The following TBC1D22A variants were observed in gnomAD, a reference collection of about 807,000 sequenced individuals.
TBC1D22A encodes TBC1 domain family member 22A, also known as putative GTPase activator.
Under a neutral mutation model 60.2 loss-of-function variants are expected in TBC1D22A, and 38 were observed. That is an observed-to-expected ratio of 0.63 (90% confidence interval 0.49 to 0.83). TBC1D22A has a LOEUF of 0.83. Ranked by LOEUF, TBC1D22A falls within the 40% of genes least tolerant of loss-of-function variation. The probability of loss-of-function intolerance (pLI) is 0.00; values close to 1 mark genes in which losing one functional copy is unlikely to be tolerated. For synonymous variants in TBC1D22A, 302 were observed against 281.7 expected, an observed-to-expected ratio of 1.07 and a Z score of -0.72; for missense variants, 628 against 701.0, an observed-to-expected ratio of 0.90 and a Z score of 1.18.
Position 47,033,526 on chromosome 22 carries a change from C to T in TBC1D22A, c.1202-3545C>T, listed in dbSNP as rs575287170. 1.8e-4 allele frequency among the ~76,000 whole-genome samples: 28 copies of T among 152,226 alleles called. 1 individual carries two copies. The highest frequency in any genetic ancestry group is 4.6e-4 in the Admixed American group (7 of 15,290). On this transcript the variant is annotated intron_variant, in intron 10 of 12. Coordinates refer to ENST00000337137, the MANE Select transcript of TBC1D22A (RefSeq NM_014346.5). The stretch of plus-strand genomic sequence containing the variant: ...GGGGGCCGGGGAAACAAAGGCGACA[C>T]AGACCTGGACCCACACCTGACCAGC...
At chr22:46,788,826 A>G (rs2084278438) in intron 1 of TBC1D22A, among the ~76,000 whole-genome samples, 1 of 152,202 alleles carries the variant, frequency 6.6e-6, no homozygotes, top group Non-Finnish European at 1.5e-5. Context: ...AGGAGAAGTC[A>G]TAACAAACCC....
At chr22:47,155,291 A>G (rs1048582900) in intron 12 of TBC1D22A, among the ~76,000 whole-genome samples, 3 of 151,970 alleles carry the variant, frequency 2.0e-5, no homozygotes, top group Non-Finnish European at 4.4e-5. Context: ...AGGCGGATGT[A>G]TTGAGGTGTC....
chr22:47,121,621 C>G (rs2066273489), intron 12 of TBC1D22A, among the ~76,000 whole-genome samples: 1 of 151,990 alleles, frequency 6.6e-6, no homozygotes, highest in Admixed American at 6.6e-5. Flanking sequence ...CACGCGTGGA[C>G]AGAAAGACCG....
At chr22:46,972,839 G>A (rs553007234) in intron 8 of TBC1D22A, among the ~76,000 whole-genome samples, 2 of 152,244 alleles carry the variant, frequency 1.3e-5, no homozygotes, top group South Asian at 2.1e-4. Context: ...AGTGACTGAG[G>A]GTCCACCCCC....
chr22:46,844,109 A>C (rs571982505), intron 4 of TBC1D22A, among the ~76,000 whole-genome samples: 1 of 150,582 alleles, frequency 6.6e-6, no homozygotes, highest in East Asian at 2.0e-4. Context: ...GGGTGTAAAC[A>C]TGTGGGTAAG....
At chr22:47,097,111 C>T (rs1469830193) in intron 11 of TBC1D22A, among the ~76,000 whole-genome samples, 1 of 152,156 alleles carries the variant, frequency 6.6e-6, no homozygotes, top group Non-Finnish European at 1.5e-5. Flanking sequence ...CCCGTGTCCT[C>T]TGTTCCACTG....
chr22:46,847,944 TGTGTGTGTGTGCGC>T (rs1186902531), intron 4 of TBC1D22A, among the ~76,000 whole-genome samples: 35 of 125,498 alleles, frequency 2.8e-4, no homozygotes, highest in African/African-American at 1.1e-3. Flanking sequence ...TGTGTGTGTG[TGTGTGTGTGTGCGC>T]GCGCGCACGC....
At chr22:47,092,402 A>G (rs935582178) in intron 11 of TBC1D22A, among the ~76,000 whole-genome samples, 1 of 152,308 alleles carries the variant, frequency 6.6e-6, no homozygotes, top group Admixed American at 6.5e-5. Context: ...TGGTGGCGGA[A>G]GAAGGCACTT....
chr22:47,069,142 G>A (rs1037759592), intron 11 of TBC1D22A, among the ~76,000 whole-genome samples: 1 of 152,124 alleles, frequency 6.6e-6, no homozygotes, highest in Non-Finnish European at 1.5e-5. Flanking sequence ...AACTTCTATT[G>A]CAAAATCTAA....
chr22:46,766,311 A>G (rs2083286031), intron 1 of TBC1D22A, among the ~76,000 whole-genome samples: 1 of 150,542 alleles, frequency 6.6e-6, no homozygotes, highest in African/African-American at 2.4e-5. Context: ...TTGTATTTTT[A>G]GTAGAGATGG....
Position 47,003,397 on chromosome 22 carries a change from ACACACATGCCTGTACACACATACCCTACG to A in TBC1D22A, c.1201+5708_1201+5736del, listed in dbSNP as rs1338506228. ...TAAAGTATACGCACACACACCCTAC[ACACACATGCCTGTACACACATACCCTACG>A]CACACATGCCTGTACACACGCACCC... On this transcript the variant is annotated intron_variant, in intron 10 of 12. Transcript: ENST00000337137. Among the ~76,000 whole-genome samples the A allele has an allele frequency of 1.2e-4, 18 of 151,076 alleles. No individual in the cohort carries two copies. The East Asian group carries it at 2.3e-3, about 20-fold the overall frequency.
At chr22:46,792,468 T>G in intron 1 of TBC1D22A, 52 bp from the exon 2 acceptor site, 2 of 1,613,318 alleles carry the variant, frequency 1.2e-6, no homozygotes, top group South Asian at 2.2e-5. Flanking sequence ...GGTGGAGGGC[T>G]CTTGGGAAGG....
intron 11 of TBC1D22A, among the ~76,000 whole-genome samples, chr22:47,047,003 A>G (rs1311251781): frequency 3.3e-5 from 5 of 152,258 alleles, no homozygotes; most frequent in African/African-American, 1.2e-4. Context: ...GTATTCATTA[A>G]TATTTTATCT....
intron 11 of TBC1D22A, among the ~76,000 whole-genome samples, chr22:47,104,739 T>A (rs945501090): frequency 7.2e-5 from 11 of 152,008 alleles, no homozygotes; most frequent in African/African-American, 1.9e-4. Flanking sequence ...TTTCTCTCTA[T>A]TGTCTCTAAG....
chr22:46,926,801 C>T (rs1470699751), intron 8 of TBC1D22A, among the ~76,000 whole-genome samples: 1 of 152,178 alleles, frequency 6.6e-6, no homozygotes, highest in Admixed American at 6.5e-5. Flanking sequence ...TCAGACTTGC[C>T]AGTCCCTACA....
intron 12 of TBC1D22A, among the ~76,000 whole-genome samples, chr22:47,160,993 A>T (rs1413070966): frequency 6.6e-6 from 1 of 152,136 alleles, no homozygotes; most frequent in African/African-American, 2.4e-5. Flanking sequence ...AGTTCTAGAA[A>T]AACTGAGGTT....
At chr22:47,001,123 G>A (rs1055505926) in intron 10 of TBC1D22A, among the ~76,000 whole-genome samples, 1 of 152,060 alleles carries the variant, frequency 6.6e-6, no homozygotes, top group Non-Finnish European at 1.5e-5. Context: ...ACACGTGAGG[G>A]CAAAGTGGAC....
intron 7 of TBC1D22A, among the ~76,000 whole-genome samples, chr22:46,907,037 A>T (rs933915698): frequency 6.9e-6 from 1 of 145,814 alleles, no homozygotes; most frequent in Non-Finnish European, 1.5e-5. Flanking sequence ...GTATGTGTGT[A>T]CTCTTCTGTG....
In TBC1D22A at chr22:46,818,598, C is replaced by T. The variant is rs550952207; in HGVS notation, c.637+20978C>T. ...TGTTACTTCTGAGGTCTCTGTTCTG[C>T]TCCATTGGTCTATATGTCTGTTTTG... On this transcript the variant is annotated intron_variant, in intron 4 of 12. Coordinates refer to ENST00000337137, the MANE Select transcript of TBC1D22A (RefSeq NM_014346.5). Among the ~76,000 whole-genome samples, 9 of 152,216 alleles carry T rather than the reference C, an allele frequency of 5.9e-5. No individual in the cohort carries two copies. The East Asian group carries it at 1.5e-3, about 26-fold the overall frequency.
Sources: allele counts gnomAD v4.1 joint callset (sites outside exome capture counted in the v4.1 genomes callset), GRCh38; gene constraint gnomAD v4.1.1; transcripts MANE v1.5; gene names NCBI Gene and HGNC (gene_info 2026-07-23, HGNC 2026-07-21).